ULK1: variants seen among roughly 807,000 people sequenced by gnomAD.
ULK1 encodes serine/threonine-protein kinase ULK1.
Under a neutral mutation model 117.5 loss-of-function variants are expected in ULK1, and 48 were observed. The ratio of observed to expected loss-of-function variants is 0.41; its 90% CI spans 0.32 to 0.52. The LOEUF (loss-of-function observed/expected upper bound fraction) is 0.52, where lower values mean the gene tolerates loss of function less well. ULK1 is among the 20% of genes least tolerant of loss of function. The pLI is 0.29. For missense variants in ULK1, 1,387 were observed against 1,473.4 expected, an observed-to-expected ratio of 0.94 and a Z score of 0.96; for synonymous variants, 790 against 637.8, an observed-to-expected ratio of 1.24 and a Z score of -3.60.
intron 3 of ULK1, chr12:131,906,559 A>C (rs1889285112): frequency 8.9e-6 from 3 of 336,888 alleles, no homozygotes; most frequent in South Asian, 3.7e-5. Context: ...GGAGCTGAGA[A>C]GCTTCTATGG....
rs756533914 is a variant in ULK1, at chr12:131,907,565, C to T, written c.316+34C>T. Reference sequence around the variant, plus strand: ...ACAGCTGCGCCACCTGGGCTGCCAGCCGGTCCCACAGGGCCCGCACCCAGG... The same window carrying T: ...ACAGCTGCGCCACCTGGGCTGCCAGTCGGTCCCACAGGGCCCGCACCCAGG... On this transcript the variant is annotated intron_variant, in intron 5 of 27. Transcript: ENST00000321867. 1.3e-4 allele frequency: 211 copies of T among 1,600,616 alleles called. No homozygotes were observed. In the Admixed American group the frequency reaches 3.5e-3, roughly 26 times the overall value.
In ULK1 at chr12:131,918,877, C is replaced by G. The variant is rs1021877941; in HGVS notation, c.2511+196C>G. Among the ~76,000 whole-genome samples the G allele has an allele frequency of 8.5e-3, 13 of 1,522 alleles. No homozygotes were observed. The highest frequency in any genetic ancestry group is 0.029 in the South Asian group (1 of 34). 1.0% of individuals were successfully genotyped at this position (1,522 alleles called of 152,430 possible). A position where few individuals can be genotyped will look rare whatever the true frequency, so the allele number is the denominator to read the frequency against. On this transcript the variant is annotated intron_variant, in intron 23 of 27. Transcript: ENST00000321867. ...GTGGGGTGTCGGGTGTGTGGGGTGT[C>G]GGGTGTGTGGGGTGTAGGGTGTGGG...
At position 131,920,145 on chromosome 12, in the gene ULK1, C is replaced by G; in HGVS notation, c.2961+9C>G. 6.2e-7 allele frequency: 1 copy of G among 1,609,554 alleles called. No individual in the cohort carries two copies. The highest frequency in any genetic ancestry group is 1.1e-5 in the South Asian group (1 of 91,014). On this transcript the variant is annotated intron_variant, in intron 26 of 27. Coordinates refer to ENST00000321867, the MANE Select transcript of ULK1 (RefSeq NM_003565.4). ...GCCACGCTGTGCAGATGGTACGGGACAGACAGACACCAGTGGGGCAGGGGC... is the reference window on the plus strand; with the variant it reads ...GCCACGCTGTGCAGATGGTACGGGAGAGACAGACACCAGTGGGGCAGGGGC...
At position 131,919,953 on chromosome 12, in the gene ULK1, G is replaced by A. The variant is rs187896633; in HGVS notation, c.2804-26G>A. 3.1e-4 allele frequency: 506 copies of A among 1,607,092 alleles called. 6 individuals are homozygous for A. In the East Asian group the frequency reaches 5.8e-3, roughly 18 times the overall value. On this transcript the variant is annotated intron_variant, in intron 25 of 27. Coordinates refer to ENST00000321867, the MANE Select transcript of ULK1 (RefSeq NM_003565.4). Reference sequence around the variant, plus strand: ...CCCTGCCCCGTGTCTGCTGCACCCTGAGCTGACCACCCTCGTCCTTTGCAG... The same window carrying A: ...CCCTGCCCCGTGTCTGCTGCACCCTAAGCTGACCACCCTCGTCCTTTGCAG...
At position 131,921,588 on chromosome 12, in the gene ULK1, G is replaced by GA; in HGVS notation, c.*228dup. 1 of 672,924 alleles carries GA rather than the reference G, an allele frequency of 1.5e-6. No individual in the cohort carries two copies. 41.7% of individuals were successfully genotyped at this position (672,924 alleles called of 1,614,324 possible). The stretch of plus-strand genomic sequence containing the variant: ...GTGTCTCCCATCTTTTACAGGTGGG[G>GA]ATCACAGAATTTCTGCCCCTCCAGC... On this transcript the variant is annotated 3_prime_UTR_variant, in exon 28 of 28. Coordinates refer to ENST00000321867, the MANE Select transcript of ULK1 (RefSeq NM_003565.4).
At chr12:131,899,685 C>T (rs1246051283) in intron 3 of ULK1, among the ~76,000 whole-genome samples, 2 of 152,180 alleles carry the variant, frequency 1.3e-5, no homozygotes, top group East Asian at 1.9e-4. Context: ...GCTCTTGGTC[C>T]CTTTTGTGCC....
rs761604849 is a variant in ULK1 at position 131,918,792 on chromosome 12, CGGG to C, written c.2511+114_2511+116del. The C allele has an allele frequency of 1.5e-5, 4 of 262,786 alleles. No individual in the cohort carries two copies. The African/African-American group carries it at 3.3e-4, about 22-fold the overall frequency. The allele number at this position is 262,786 out of a possible 1,614,324, so 16.3% of individuals were successfully genotyped here. On this transcript the variant is annotated intron_variant, in intron 23 of 27. Coordinates refer to ENST00000321867, the MANE Select transcript of ULK1 (RefSeq NM_003565.4). ...GTGTGGGGTGTCGGGTGTGGGGTGT[CGGG>C]GGTGTGGGGTGTAGTGTGTGGGGTG...
chr12:131,898,721 C>T (rs1448159130), intron 3 of ULK1, among the ~76,000 whole-genome samples: 6 of 151,122 alleles, frequency 4.0e-5, no homozygotes, highest in East Asian at 3.9e-4. Context: ...AGCCTGGTCT[C>T]GAACTGACCT....
chr12:131,912,295 G>T (rs983227384), intron 13 of ULK1, among the ~76,000 whole-genome samples: 1 of 152,178 alleles, frequency 6.6e-6, no homozygotes, highest in African/African-American at 2.4e-5. Flanking sequence ...TCCTCCTAGT[G>T]GTCAGTAGGA....
rs763240332 is a variant in ULK1, at chr12:131,916,503, C to A, written c.1984C>A (p.Pro662Thr). ...GACGCCCCCTCGAAACCGGACGCTG[C>A]CCGACCTCTCGGAGGTGGGACCCTT... ...VMTPPRNRTL[P>T]DLSEVGPFHG... Residue 662 changes from proline (P) to threonine (T), a missense_variant, in exon 20 of 28, where the codon CCC (proline) becomes ACC (threonine). Physicochemically the swap from Pro to Thr is conservative, Grantham distance 38. Coordinates refer to ENST00000321867, the MANE Select transcript of ULK1 (RefSeq NM_003565.4). 2 of 1,612,214 alleles carry A rather than the reference C, an allele frequency of 1.2e-6. No homozygotes were observed. The highest frequency in any genetic ancestry group is 4.5e-5 in the East Asian group (2 of 44,862).
chr12:131,912,122 C>T (rs1889566520), intron 13 of ULK1, 33 bp downstream of exon 13: 4 of 1,599,564 alleles, frequency 2.5e-6, no homozygotes, highest in Non-Finnish European at 3.4e-6. Flanking sequence ...GAGGTGACGC[C>T]TCAGGTGCGG....
At position 131,909,169 on chromosome 12, in the gene ULK1, G is replaced by T. The variant is rs779346547; in HGVS notation, c.598G>T (p.Gly200Trp). Residue 200 changes from glycine to tryptophan, a missense_variant, in exon 8 of 28, where the codon GGG becomes TGG. This residue lies in a region of ULK1 where 224 missense variants were observed against 325.2 expected (regional missense o/e 0.69). Coordinates refer to ENST00000321867, the MANE Select transcript of ULK1 (RefSeq NM_003565.4). ...PEVIMSQHYD[G>W]KADLWSIGTI... is the part of the protein sequence containing the mutation. Reference sequence around the variant, plus strand: ...GGTCATCATGTCCCAGCACTACGACGGGAAGGCGGACCTGTGGAGCATCGG... The same window carrying T: ...GGTCATCATGTCCCAGCACTACGACTGGAAGGCGGACCTGTGGAGCATCGG... 2 of 1,609,942 alleles carry T rather than the reference G, an allele frequency of 1.2e-6. No individual in the cohort carries two copies. The highest frequency in any genetic ancestry group is 1.7e-5 in the Admixed American group (1 of 59,702).
At position 131,894,951 on chromosome 12, in the gene ULK1, CCGCGCCTTGG is replaced by C; in HGVS notation, c.-49_-40del. On this transcript the variant is annotated 5_prime_UTR_variant, in exon 1 of 28. Transcript: ENST00000321867. ...CGGCCCGCGCCTCCGCCTGAGTCCC[CCGCGCCTTGG>C]CCCGCCACCCCCCGCCCCGCGCCCC... 8.4e-6 allele frequency: 7 copies of C among 837,844 alleles called. No homozygotes were observed. The highest frequency in any genetic ancestry group is 1.0e-5 in the Non-Finnish European group (7 of 676,178). The allele number at this position is 837,844 out of a possible 1,614,324, so 51.9% of individuals were successfully genotyped here. A position where few individuals can be genotyped will look rare whatever the true frequency, so the allele number is the denominator to read the frequency against.
intron 10 of ULK1, 57 bp from the exon 11 acceptor site, chr12:131,910,197 G>A (rs1003982585): frequency 2.5e-6 from 4 of 1,606,862 alleles, no homozygotes; most frequent in East Asian, 2.2e-5. Context: ...GGGGAGGCAG[G>A]GGCCTGGGGT....
chr12:131,894,714 CCGGAGTCGGAGT>C lies in ULK1; in HGVS notation c.-277_-266del, dbSNP rs1239463062. On this transcript the variant is annotated 5_prime_UTR_variant, in exon 1 of 28. Coordinates refer to ENST00000321867, the MANE Select transcript of ULK1 (RefSeq NM_003565.4). ...GGCCGAGCCCGGGCCCTAGTTGGAGCCGGAGTCGGAGTCGGAGTCGGATCCGGATTCGGATTA... is the reference window on the plus strand; with the variant it reads ...GGCCGAGCCCGGGCCCTAGTTGGAGCCGGAGTCGGATCCGGATTCGGATTA... 2 of 151,506 alleles carry C rather than the reference CCGGAGTCGGAGT, an allele frequency of 1.3e-5. No individual in the cohort carries two copies. The highest frequency in any genetic ancestry group is 2.1e-4 in the South Asian group (1 of 4,822). 9.4% of individuals were successfully genotyped at this position (151,506 alleles called of 1,614,324 possible).
intron 10 of ULK1, 42 bp downstream of exon 10, chr12:131,910,043 C>T: frequency 6.2e-7 from 1 of 1,605,426 alleles, no homozygotes; most frequent in African/African-American, 1.3e-5. Context: ...CCCCACCCTC[C>T]TTCCTTGCAT....
At chr12:131,914,521 G>T in intron 16 of ULK1, 44 bp downstream of exon 16, 1 of 1,588,192 alleles carries the variant, frequency 6.3e-7, no homozygotes, top group South Asian at 1.1e-5. Context: ...CTGGGGCCTT[G>T]TGTGGCAGGA....
At chr12:131,908,209 C>T (rs1251209908) in intron 5 of ULK1, among the ~76,000 whole-genome samples, 1 of 152,136 alleles carries the variant, frequency 6.6e-6, no homozygotes, top group East Asian at 1.9e-4. Flanking sequence ...CCTCGCCCCA[C>T]GCGAGGAGGA....
At chr12:131,907,655 G>T in intron 5 of ULK1, 124 bp downstream of exon 5, 1 of 1,225,332 alleles carries the variant, frequency 8.2e-7, no homozygotes, top group Non-Finnish European at 1.1e-6. Flanking sequence ...TGTGAGATTG[G>T]CTCTTTCTTG....
Sources: allele counts gnomAD v4.1 joint callset (sites outside exome capture counted in the v4.1 genomes callset), GRCh38; gene constraint gnomAD v4.1.1; regional missense constraint gnomAD v4.1.1; transcripts MANE v1.5; gene names NCBI Gene and HGNC (gene_info 2026-07-23, HGNC 2026-07-21).